Variants in SLC4A9 observed in about 807,000 individuals in gnomAD.
The protein encoded by SLC4A9 is anion exchange protein 4.
In SLC4A9, 102 loss-of-function variants were observed where a neutral mutation model predicts 103.2. That is an observed-to-expected ratio of 0.99 (90% CI 0.84 to 1.17). SLC4A9 has a LOEUF of 1.17. SLC4A9 is among the 50% of genes most tolerant of loss of function. The pLI is 0.00. For synonymous variants in SLC4A9, 453 were observed against 483.6 expected, an observed-to-expected ratio of 0.94 and a Z score of 0.83; for missense variants, 1,091 against 1,193.7, an observed-to-expected ratio of 0.91 and a Z score of 1.27.
At chr5:140,366,059 C>A (rs1293786483) in intron 13 of SLC4A9, 37 bp downstream of exon 13, 3 of 1,612,250 alleles carry the variant, frequency 1.9e-6, no homozygotes, top group Non-Finnish European at 1.7e-6. Context: ...AGAGGCCTGA[C>A]TCTAAGCTTT....
At chr5:140,362,815 G>A in intron 6 of SLC4A9, 97 bp from the exon 7 acceptor site, 1 of 1,464,442 alleles carries the variant, frequency 6.8e-7, no homozygotes, top group Non-Finnish European at 9.6e-7. Context: ...TGACTTGTCT[G>A]CCTCTGTGAC....
chr5:140,363,901 A>T lies in SLC4A9; in HGVS notation c.1253A>T (p.Gln418Leu). The change falls in exon 9 of 22, where the codon CAG (glutamine) becomes CTG (leucine). Residue 418 changes from glutamine to leucine, a missense_variant and splice_region_variant. Physicochemically the swap from Gln to Leu is moderately radical, Grantham distance 113 (BLOSUM62 -2). Transcript: ENST00000506757. This position sits in a 1 kb window ranked among gnomAD's most constrained non-coding sequence, Gnocchi z 4.5. Reference protein sequence around the residue: ...GLLGDATDGAQGVLESFLGTA... With the variant: ...GLLGDATDGALGVLESFLGTA... ...CTGGGAGATGCCACTGATGGTGCCC[A>T]GGTGGGTAGGGCCCAGGGGGCAGGC... The T allele has an allele frequency of 6.2e-7, 1 of 1,613,552 alleles. No individual in the cohort carries two copies. Among genetic ancestry groups the T allele is most frequent in the South Asian group, 1.1e-5 (1 of 91,084 alleles).
At position 140,362,094 on chromosome 5, in the gene SLC4A9, G is replaced by A; in HGVS notation, c.639G>A (p.Leu213=). The A allele has an allele frequency of 6.3e-7, 1 of 1,582,448 alleles. No individual in the cohort carries two copies. ...GTVLAGELGF[L]AQPLGAFVRL... ...TGCTGGCAGGGGAGCTGGGCTTCCT[G>A]GCACAGCCACTGGGAGCCTTTGTTC... Residue 213 remains leucine (L), a synonymous_variant, in exon 5 of 22, where the codon CTG becomes CTA. Transcript: ENST00000506757.
rs1243009154 is a variant in SLC4A9 at position 140,363,653 on chromosome 5, C to A, written c.1080-75C>A. 27 of 1,587,798 alleles carry A rather than the reference C, an allele frequency of 1.7e-5. 1 individual carries two copies. Among genetic ancestry groups the A allele is most frequent in the Non-Finnish European group, 2.3e-5 (27 of 1,165,214 alleles). ...GTGCTCACTGTGGGAGGGGCTCACC[C>A]GGTCACAGGGAAAGTAGCGGGGATG... On this transcript the variant is annotated intron_variant, in intron 8 of 21. Coordinates refer to ENST00000506757, the MANE Select transcript of SLC4A9 (RefSeq NM_031467.3). This position sits in a 1 kb window ranked among gnomAD's most constrained non-coding sequence, Gnocchi z 4.5.
Position 140,367,596 on chromosome 5 carries a change from G to C in SLC4A9, c.2175+15G>C. 6.2e-7 allele frequency: 1 copy of C among 1,601,200 alleles called. No individual in the cohort carries two copies. Among genetic ancestry groups the C allele is most frequent in the Non-Finnish European group, 8.5e-7 (1 of 1,173,760 alleles). On this transcript the variant is annotated intron_variant, in intron 15 of 21. Transcript: ENST00000506757. ...ACAGACTGCAGGTAAGGCCTGCTGG[G>C]TAAGGCCCAAGACCAAGGGACAGAA...
chr5:140,364,048 T>C lies in SLC4A9; in HGVS notation c.1255-6T>C. 1 of 1,531,052 alleles carries C rather than the reference T, an allele frequency of 6.5e-7. No homozygotes were observed. The highest frequency in any genetic ancestry group is 8.8e-7 in the Non-Finnish European group (1 of 1,141,080). The allele number at this position is 1,531,052 out of a possible 1,614,324, so 94.8% of individuals were successfully genotyped here. The stretch of plus-strand genomic sequence containing the variant: ...GGTCCTGTGCTGAGCCCCTGTTGGC[T>C]TCCAGGGAGTGCTGGAAAGTTTCCT... On this transcript the variant is annotated splice_polypyrimidine_tract_variant and splice_region_variant and intron_variant, in intron 9 of 21. Transcript: ENST00000506757.
chr5:140,362,804 A>ATGACTTGTCTGCCTCTG (rs1767298227), intron 6 of SLC4A9, 108 bp from the exon 7 acceptor site: 2 of 1,399,806 alleles, frequency 1.4e-6, no homozygotes, highest in South Asian at 2.3e-5. Context: ...GAATGTGTGA[A>ATGACTTGTCTGCCTCTG]TGACTTGTCT....
In SLC4A9 at chr5:140,371,160, T is replaced by A. The variant is rs1768660495; in HGVS notation, c.2493T>A (p.Ile831=). ...LYMGVAALSS[I]QFTNRVKLLL... ...TGGGGGTGGCAGCGCTCAGCAGCAT[T>A]CAGGTGAGCCCATTAAAATCACCTA... The change falls in exon 18 of 22, where the codon ATT becomes ATA. Residue 831 remains isoleucine, a synonymous_variant. Coordinates refer to ENST00000506757, the MANE Select transcript of SLC4A9 (RefSeq NM_031467.3). 1 of 1,610,252 alleles carries A rather than the reference T, an allele frequency of 6.2e-7. No homozygotes were observed. The highest frequency in any genetic ancestry group is 8.5e-7 in the Non-Finnish European group (1 of 1,178,052).
intron 4 of SLC4A9, 26 bp from the exon 5 acceptor site, chr5:140,361,991 C>G: frequency 6.2e-7 from 1 of 1,613,750 alleles, no homozygotes; most frequent in South Asian, 1.1e-5. Flanking sequence ...CTTTCATATT[C>G]TGTGTCTCCT....
In SLC4A9 at chr5:140,363,896, T is replaced by TGCCCAGGTGGGTAGG. The variant is rs1430644366; in HGVS notation, c.1254+2_1254+16dup. On this transcript the variant is annotated inframe_insertion, in exon 9 of 22. Coordinates refer to ENST00000506757, the MANE Select transcript of SLC4A9 (RefSeq NM_031467.3). This position sits in a 1 kb window ranked among gnomAD's most constrained non-coding sequence, Gnocchi z 4.5. Reference sequence around the variant, plus strand: ...GTCTGCTGGGAGATGCCACTGATGGTGCCCAGGTGGGTAGGGCCCAGGGGG... The same window carrying TGCCCAGGTGGGTAGG: ...GTCTGCTGGGAGATGCCACTGATGGTGCCCAGGTGGGTAGGGCCCAGGTGGGTAGGGCCCAGGGGG... 5 of 1,613,642 alleles carry TGCCCAGGTGGGTAGG rather than the reference T, an allele frequency of 3.1e-6. No individual in the cohort carries two copies. Among genetic ancestry groups the TGCCCAGGTGGGTAGG allele is most frequent in the Non-Finnish European group, 4.2e-6 (5 of 1,179,766 alleles).
At position 140,364,142 on chromosome 5, in the gene SLC4A9, C is replaced by T. The variant is rs1347945350; in HGVS notation, c.1343C>T (p.Thr448Met). The change falls in exon 10 of 22, where the codon ACG becomes ATG. Residue 448 changes from threonine to methionine, a missense_variant. By Grantham distance (81) the Thr-to-Met change is moderately conservative (BLOSUM62 -1). Coordinates refer to ENST00000506757, the MANE Select transcript of SLC4A9 (RefSeq NM_031467.3). ...AGQPLTILSS[T>M]GPVLVFERLL... is the part of the protein sequence containing the mutation. ...CAGCCCCTCACCATTCTGAGCAGCA[C>T]GGGGCCAGTGCTGGTCTTTGAGCGC... The T allele has an allele frequency of 6.3e-6, 10 of 1,592,740 alleles. No homozygotes were observed. Among genetic ancestry groups the T allele is most frequent in the Admixed American group, 1.8e-5 (1 of 56,738 alleles).
At chr5:140,368,726 C>A in intron 17 of SLC4A9, 67 bp downstream of exon 17, 3 of 1,376,074 alleles carry the variant, frequency 2.2e-6, no homozygotes, top group Non-Finnish European at 3.1e-6. Flanking sequence ...CAAGAACTGA[C>A]AGTAGTTGAA....
chr5:140,366,152 TG>T lies in SLC4A9; in HGVS notation c.1902del (p.Arg635AlafsTer25). Reference sequence around the variant, plus strand: ...GACTGAGTGTCCACTGTGTGCCAGGTGCGCAAAGGGCTCAGCGACTTCTCCT... The same window carrying T: ...GACTGAGTGTCCACTGTGTGCCAGGTCGCAAAGGGCTCAGCGACTTCTCCT... ...VKTSRFFPSV[V>X]RKGLSDFSSV... On this transcript the variant is annotated frameshift_variant and splice_region_variant, in exon 14 of 22. Coordinates refer to ENST00000506757, the MANE Select transcript of SLC4A9 (RefSeq NM_031467.3). LOFTEE classifies it high-confidence loss of function. 1 of 1,613,174 alleles carries T rather than the reference TG, an allele frequency of 6.2e-7. No individual in the cohort carries two copies. Among genetic ancestry groups the T allele is most frequent in the African/African-American group, 1.3e-5 (1 of 74,992 alleles).
rs1350911860 is a variant in SLC4A9, at chr5:140,360,555, G to A, written c.230+89G>A. 4.7e-6 allele frequency: 6 copies of A among 1,284,374 alleles called. No individual in the cohort carries two copies. The African/African-American group carries it at 6.0e-5, about 13-fold the overall frequency. 79.6% of individuals were successfully genotyped at this position (1,284,374 alleles called of 1,614,324 possible). On this transcript the variant is annotated intron_variant, in intron 1 of 21. Transcript: ENST00000506757. ...GTCCCCCAGCGCTTCTTATGGGGCT[G>A]CCCAAAATTAGGATTTTCCCAGCTG...
Position 140,363,418 on chromosome 5 carries a change from T to A in SLC4A9, c.963-21T>A. ...ACTGGTTGGAGATCCTCAGCCAACC[T>A]GGGGTTCCCCTCCTCCTCAGGCTTC... On this transcript the variant is annotated intron_variant, in intron 7 of 21. Transcript: ENST00000506757. The surrounding 1 kb of genome is among the most constrained non-coding windows in gnomAD (Gnocchi z 4.5). 1 of 1,548,776 alleles carries A rather than the reference T, an allele frequency of 6.5e-7. No individual in the cohort carries two copies. The highest frequency in any genetic ancestry group is 8.7e-7 in the Non-Finnish European group (1 of 1,144,950).
rs550063263 is a variant in SLC4A9, at chr5:140,370,043, C to G, written c.2428-1052C>G. 2.0e-5 allele frequency among the ~76,000 whole-genome samples: 3 copies of G among 151,850 alleles called. No individual in the cohort carries two copies. The South Asian group carries it at 6.2e-4, about 32-fold the overall frequency. The stretch of plus-strand genomic sequence containing the variant: ...CAAAAAATCCCAAAAAACAGAAAAC[C>G]CTAAACAAAAAAACAAACAAAAACC... On this transcript the variant is annotated intron_variant, in intron 17 of 21. Coordinates refer to ENST00000506757, the MANE Select transcript of SLC4A9 (RefSeq NM_031467.3).
At chr5:140,366,316 A>T in intron 14 of SLC4A9, 52 bp downstream of exon 14, 1 of 1,284,366 alleles carries the variant, frequency 7.8e-7, no homozygotes, top group Non-Finnish European at 1.1e-6. Context: ...CAGGGCCAGC[A>T]GACCATGGGG....
chr5:140,360,776 G>A, intron 1 of SLC4A9, 36 bp from the exon 2 acceptor site: 1 of 1,612,744 alleles, frequency 6.2e-7, no homozygotes, highest in South Asian at 1.1e-5. Context: ...TGGGAGAAAT[G>A]CCCTCAATAA....
At chr5:140,367,633 G>A (rs1476260433) in intron 15 of SLC4A9, 52 bp downstream of exon 15, 7 of 1,600,132 alleles carry the variant, frequency 4.4e-6, no homozygotes, top group African/African-American at 1.3e-5. Context: ...CTCCAGGGGA[G>A]TCTACGCTCC....
Sources: allele counts gnomAD v4.1 joint callset (sites outside exome capture counted in the v4.1 genomes callset), GRCh38; gene constraint gnomAD v4.1.1; non-coding constraint Gnocchi (gnomAD v3.1); transcripts MANE v1.5; gene names NCBI Gene and HGNC (gene_info 2026-07-23, HGNC 2026-07-21).